Variants in SNTB1 observed in about 807,000 individuals in gnomAD.
SNTB1 encodes syntrophin beta 1.
A neutral mutation model predicts 48.9 loss-of-function variants in SNTB1; 36 were observed. The ratio of observed to expected loss-of-function variants is 0.74; its 90% CI spans 0.56 to 0.97. SNTB1 has a LOEUF of 0.97. Ranked by LOEUF, SNTB1 falls within the 50% of genes least tolerant of loss-of-function variation. The probability of loss-of-function intolerance (pLI) is 0.00; values close to 1 mark genes in which losing one functional copy is unlikely to be tolerated. For missense variants in SNTB1, 786 were observed against 703.4 expected, an observed-to-expected ratio of 1.12 and a Z score of -1.33; for synonymous variants, 299 against 294.6, an observed-to-expected ratio of 1.01 and a Z score of -0.15.
chr8:120,552,487 A>G (rs1038194664), intron 4 of SNTB1, among the ~76,000 whole-genome samples: 3 of 152,224 alleles, frequency 2.0e-5, no homozygotes, highest in Admixed American at 1.3e-4. Context: ...CCTCCCGAGT[A>G]GCTGGGATTA....
intron 1 of SNTB1, among the ~76,000 whole-genome samples, chr8:120,698,497 A>AT (rs993894827): frequency 2.6e-5 from 4 of 151,814 alleles, no homozygotes; most frequent in Admixed American, 1.3e-4. Context: ...AGGAGTCCTG[A>AT]TTTTTTTTGA....
chr8:120,705,568 A>C (rs1434916170), intron 1 of SNTB1, among the ~76,000 whole-genome samples: 2 of 152,210 alleles, frequency 1.3e-5, no homozygotes, highest in African/African-American at 2.4e-5. Flanking sequence ...CGTTTCAAGC[A>C]GAAACTGGAT....
At chr8:120,684,380 C>A (rs1817991670) in intron 2 of SNTB1, among the ~76,000 whole-genome samples, 1 of 152,100 alleles carries the variant, frequency 6.6e-6, no homozygotes, top group South Asian at 2.1e-4. Context: ...TCACAATAGC[C>A]CCCAAAATTC....
At chr8:120,654,697 A>G (rs1380394480) in intron 2 of SNTB1, among the ~76,000 whole-genome samples, 1 of 152,200 alleles carries the variant, frequency 6.6e-6, no homozygotes, top group Non-Finnish European at 1.5e-5. Flanking sequence ...TCACAATAAA[A>G]GAGTAATTTT....
intron 3 of SNTB1, among the ~76,000 whole-genome samples, chr8:120,605,564 C>A (rs1486284002): frequency 6.6e-6 from 1 of 152,112 alleles, no homozygotes; most frequent in Non-Finnish European, 1.5e-5. Context: ...TTTGTATCTA[C>A]TGTGTATTAG....
At chr8:120,546,280 A>T (rs1254870653) in intron 5 of SNTB1, among the ~76,000 whole-genome samples, 1 of 152,208 alleles carries the variant, frequency 6.6e-6, no homozygotes, top group African/African-American at 2.4e-5. Flanking sequence ...TCAGAACCAG[A>T]AAGAATTTGT....
chr8:120,785,979 T>C (rs2130140122), intron 1 of SNTB1, among the ~76,000 whole-genome samples: 1 of 152,280 alleles, frequency 6.6e-6, no homozygotes, highest in Admixed American at 6.5e-5. Flanking sequence ...CTGCTGGCAT[T>C]TGAGAAATTT....
intron 4 of SNTB1, among the ~76,000 whole-genome samples, chr8:120,569,887 C>T (rs916759727): frequency 3.3e-5 from 5 of 152,218 alleles, no homozygotes; most frequent in Admixed American, 1.3e-4. Flanking sequence ...AGCAGTCTAG[C>T]TCTCAAGACC....
At chr8:120,647,414 T>C (rs1817317189) in intron 2 of SNTB1, among the ~76,000 whole-genome samples, 1 of 149,214 alleles carries the variant, frequency 6.7e-6, no homozygotes, top group African/African-American at 2.5e-5. Flanking sequence ...TGCCTTCATT[T>C]CGTTATGTAC....
intron 1 of SNTB1, among the ~76,000 whole-genome samples, chr8:120,700,067 G>C (rs1818279201): frequency 6.6e-6 from 1 of 152,098 alleles, no homozygotes; most frequent in Non-Finnish European, 1.5e-5. Context: ...GAAAATGGCA[G>C]AAGCATGAGG....
At chr8:120,685,879 A>G (rs565866776) in intron 2 of SNTB1, among the ~76,000 whole-genome samples, 1 of 152,312 alleles carries the variant, frequency 6.6e-6, no homozygotes, top group South Asian at 2.1e-4. Context: ...CAAATATTCT[A>G]TTTTATTGTT....
chr8:120,769,653 G>A (rs1819585261), intron 1 of SNTB1: 1 of 152,194 alleles, frequency 6.6e-6, no homozygotes, highest in Non-Finnish European at 1.5e-5. Context: ...GCTGCTCCAA[G>A]AATCCTCAAC....
At chr8:120,653,505 A>C (rs1409924710) in intron 2 of SNTB1, among the ~76,000 whole-genome samples, 1 of 152,176 alleles carries the variant, frequency 6.6e-6, no homozygotes, top group Non-Finnish European at 1.5e-5. Context: ...TCTGGTCTAC[A>C]AAGCTGAGCG....
intron 5 of SNTB1, among the ~76,000 whole-genome samples, chr8:120,543,632 G>T (rs1815328846): frequency 6.6e-6 from 1 of 152,160 alleles, no homozygotes; most frequent in African/African-American, 2.4e-5. Flanking sequence ...TGGGCACAGA[G>T]TCGCTCAGCT....
intron 1 of SNTB1, among the ~76,000 whole-genome samples, chr8:120,801,444 G>A (rs1295036002): frequency 6.6e-6 from 1 of 151,708 alleles, no homozygotes; most frequent in Non-Finnish European, 1.5e-5. Flanking sequence ...TTATATATAT[G>A]TAATTTATTA....
intron 4 of SNTB1, among the ~76,000 whole-genome samples, chr8:120,567,496 T>C (rs1473778019): frequency 6.6e-6 from 1 of 150,906 alleles, no homozygotes; most frequent in Non-Finnish European, 1.5e-5. Flanking sequence ...TCATAGCTCA[T>C]TGCAACCTTG....
rs35342244 is a variant in SNTB1 at position 120,613,351 on chromosome 8, C to CAA, written c.996+19091_996+19092dup. Among the ~76,000 whole-genome samples the CAA allele has an allele frequency of 8.6e-3, 1,261 of 146,568 alleles. 17 individuals carry two copies. Among genetic ancestry groups the CAA allele is most frequent in the African/African-American group, 0.027 (1,092 of 39,816 alleles). ...GGGCAACAAGAGTGCAGCTCCATCT[C>CAA]AAAAAAAAAAAAGTTGATTGCATGG... On this transcript the variant is annotated intron_variant, in intron 3 of 6. Coordinates refer to ENST00000517992, the MANE Select transcript of SNTB1 (RefSeq NM_021021.4).
intron 1 of SNTB1, among the ~76,000 whole-genome samples, chr8:120,779,254 C>T (rs1427165550): frequency 1.3e-5 from 2 of 152,158 alleles, no homozygotes; most frequent in Non-Finnish European, 1.5e-5. Flanking sequence ...CCTGTAATCC[C>T]AGCACTTTGG....
At chr8:120,675,139 C>G (rs1304305065) in intron 2 of SNTB1, among the ~76,000 whole-genome samples, 1 of 152,202 alleles carries the variant, frequency 6.6e-6, no homozygotes, top group Non-Finnish European at 1.5e-5. Flanking sequence ...TGGTCTTCAT[C>G]TGGGACCTCT....
Sources: gnomAD v4.1 joint callset for allele counts (sites outside exome capture counted in the v4.1 genomes callset) on GRCh38, gnomAD v4.1.1 for gene constraint, MANE v1.5 for transcripts, NCBI Gene and HGNC (gene_info 2026-07-23, HGNC 2026-07-21) for gene names.